The following HERC2 variants were observed in gnomAD, a reference collection of about 807,000 sequenced individuals.
The protein encoded by HERC2 is E3 ubiquitin-protein ligase HERC2.
A neutral mutation model predicts 537.7 loss-of-function variants in HERC2; 102 were observed. The observed-to-expected ratio is 0.19, with a 90% CI of 0.16 to 0.22. HERC2 has a LOEUF of 0.22. HERC2 is among the 10% of genes least tolerant of loss of function. HERC2 has a pLI of 1.00. For synonymous variants in HERC2, 2,224 were observed against 2,466.2 expected (o/e 0.90, Z 2.91); for missense variants, 4,236 against 6,198.2 (o/e 0.68, Z 10.63).
At chr15:28,231,112 T>C (rs1901795535) in intron 30 of HERC2, among the ~76,000 whole-genome samples, 1 of 152,220 alleles carries the variant, frequency 6.6e-6, no homozygotes, top group South Asian at 2.1e-4. Context: ...CTGCGATATG[T>C]GGAATTTCCT....
At chr15:28,178,716 T>A (rs149010273) in intron 59 of HERC2, among the ~76,000 whole-genome samples, 171 bp downstream of exon 59, 83 of 152,354 alleles carry the variant, frequency 5.4e-4, no homozygotes, top group African/African-American at 1.9e-3. Context: ...AGAACTTGAT[T>A]TAGCAGCAAT....
At position 28,233,691 on chromosome 15, in the gene HERC2, A is replaced by G. The variant is rs1415676890; in HGVS notation, c.4324T>C (p.Cys1442Arg). The change falls in exon 28 of 93, where the codon TGT (cysteine) becomes CGT (arginine). Residue 1442 changes from cysteine (C) to arginine (R), a missense_variant. Around this residue, in one of 27 missense-constraint regions of HERC2, gnomAD observed 94 missense variants for 174.9 expected, o/e 0.54. Coordinates refer to ENST00000261609, the MANE Select transcript of HERC2 (RefSeq NM_004667.6). Reference sequence around the variant, plus strand: ...AAATCTTCATGTTTTAAGAGGCAACATAACAACAAGCGACCGACCTCTTCC... The same window carrying G: ...AAATCTTCATGTTTTAAGAGGCAACGTAACAACAAGCGACCGACCTCTTCC... Reference protein sequence around the residue: ...PVEEVGRLLLCCLLKHEDLGH... With the variant: ...PVEEVGRLLLRCLLKHEDLGH... The G allele has an allele frequency of 1.2e-6, 2 of 1,613,894 alleles. No homozygotes were observed. Among genetic ancestry groups the G allele is most frequent in the African/African-American group, 1.3e-5 (1 of 74,932 alleles).
At chr15:28,292,784 T>A in intron 4 of HERC2, 104 bp downstream of exon 4, 1 of 1,200,362 alleles carries the variant, frequency 8.3e-7, no homozygotes, top group Admixed American at 2.6e-5. Flanking sequence ...TTTTATTTAC[T>A]TTTTTTAAAA....
chr15:28,181,863 G>C (rs1895853266), intron 57 of HERC2, among the ~76,000 whole-genome samples: 2 of 152,228 alleles, frequency 1.3e-5, no homozygotes, highest in Non-Finnish European at 2.9e-5. Context: ...TTACTGACAA[G>C]GTGAATGAGA....
chr15:28,206,832 CAAAAAAAAAAAAAAAAA>C (rs71132838), intron 44 of HERC2, among the ~76,000 whole-genome samples: 1 of 51,460 alleles, frequency 1.9e-5, no homozygotes, highest in African/African-American at 6.9e-5. Context: ...GACTCGGTCT[CAAAAAAAAAAAAAAAAA>C]AAAAAAAAAA....
intron 70 of HERC2, among the ~76,000 whole-genome samples, chr15:28,148,575 G>A (rs564172584): frequency 2.3e-4 from 35 of 152,240 alleles, no homozygotes; most frequent in African/African-American, 7.5e-4. Flanking sequence ...GAACATCACC[G>A]AGAACGGCCG....
intron 39 of HERC2, among the ~76,000 whole-genome samples, chr15:28,215,079 A>G (rs1596252752): frequency 6.6e-6 from 1 of 151,848 alleles, no homozygotes; most frequent in South Asian, 2.1e-4. Context: ...GAATTTCACT[A>G]TGTTGGCCAG....
chr15:28,321,630 G>A (rs2077232446), intron 1 of HERC2, among the ~76,000 whole-genome samples, 166 bp from the exon 2 acceptor site: 1 of 125,158 alleles, frequency 8.0e-6, no homozygotes, highest in South Asian at 2.8e-4. Flanking sequence ...GATGGAGGGA[G>A]AGGGAGGTGG....
intron 69 of HERC2, among the ~76,000 whole-genome samples, chr15:28,153,379 C>T (rs1473679390): frequency 4.6e-5 from 7 of 152,028 alleles, no homozygotes; most frequent in South Asian, 2.1e-4. Context: ...TTGGGTGGAG[C>T]GCAGTGGCTC....
chr15:28,311,471 C>G (rs986115436), intron 2 of HERC2, among the ~76,000 whole-genome samples: 1 of 151,480 alleles, frequency 6.6e-6, no homozygotes, highest in African/African-American at 2.4e-5. Context: ...ACTTAAAAAA[C>G]AAAAAAAGAA....
Position 28,132,788 on chromosome 15 carries a change from A to C in HERC2, c.12273T>G (p.Ile4091Met), listed in dbSNP as rs770354502. 1 of 1,600,066 alleles carries C rather than the reference A, an allele frequency of 6.2e-7. No individual in the cohort carries two copies. The highest frequency in any genetic ancestry group is 1.1e-5 in the South Asian group (1 of 89,020). Residue 4091 changes from isoleucine to methionine, a missense_variant, in exon 80 of 93, where the codon ATT (isoleucine) becomes ATG (methionine). Physicochemically the swap from Ile to Met is conservative, Grantham distance 10 (BLOSUM62 1). Transcript: ENST00000261609. Reference sequence around the variant, plus strand: ...CGCCAGCAGCAACATCGACCACTTCAATTCCTCTCAGAGACTCGATGACAC... The same window carrying C: ...CGCCAGCAGCAACATCGACCACTTCCATTCCTCTCAGAGACTCGATGACAC... ...RPRVIESLRGIEVVDVAAGGA... is the reference protein window; with the variant it reads ...RPRVIESLRGMEVVDVAAGGA...
At chr15:28,180,270 C>CTA (rs1234593395) in intron 57 of HERC2, among the ~76,000 whole-genome samples, 1 of 152,206 alleles carries the variant, frequency 6.6e-6, no homozygotes, top group Non-Finnish European at 1.5e-5. Flanking sequence ...AAGCAACAGG[C>CTA]TATACCATAT....
chr15:28,321,570 G>C (rs1318812269), intron 1 of HERC2, 106 bp from the exon 2 acceptor site: 3 of 514,910 alleles, frequency 5.8e-6, no homozygotes, highest in Non-Finnish European at 9.6e-6. Flanking sequence ...AAAGGGGGGA[G>C]AGAAGAGCTG....
intron 78 of HERC2, 52 bp downstream of exon 78, chr15:28,141,380 C>G: frequency 6.5e-7 from 1 of 1,546,904 alleles, no homozygotes; most frequent in East Asian, 2.2e-5. Context: ...GCACCTTTAG[C>G]CACAACTGCC....
rs1201255525 is a variant in HERC2 at position 28,260,760 on chromosome 15, A to G, written c.2316+17T>C. ...CAAAATCCTCCAAAATACCAAATCAAGCTCTATATTCAGTACCTGGGCAGG... is the reference window on the plus strand; with the variant it reads ...CAAAATCCTCCAAAATACCAAATCAGGCTCTATATTCAGTACCTGGGCAGG... On this transcript the variant is annotated intron_variant, in intron 16 of 92. Transcript: ENST00000261609. 1 of 1,597,318 alleles carries G rather than the reference A, an allele frequency of 6.3e-7. No individual in the cohort carries two copies. The highest frequency in any genetic ancestry group is 2.2e-5 in the East Asian group (1 of 44,466).
At chr15:28,292,810 T>C in intron 4 of HERC2, 78 bp downstream of exon 4, 2 of 1,395,906 alleles carry the variant, frequency 1.4e-6, no homozygotes, top group South Asian at 2.6e-5. Context: ...ACCAAAAAAA[T>C]ACTAAGAATC....
intron 69 of HERC2, among the ~76,000 whole-genome samples, chr15:28,162,211 T>A (rs188286778): frequency 1.3e-5 from 2 of 152,120 alleles, no homozygotes; most frequent in African/African-American, 4.8e-5. Flanking sequence ...ATGCCTGTAA[T>A]CCCAGCTACT....
chr15:28,309,477 A>G lies in HERC2; in HGVS notation c.73-9961T>C, dbSNP rs2428642. ...GAAATCTATTTGGTCTGATATAACC[A>G]CTATGCTCTTTTGTGATTTCCATTT... On this transcript the variant is annotated intron_variant, in intron 2 of 92. Transcript: ENST00000261609. Among the ~76,000 whole-genome samples the G allele has an allele frequency of 2.3e-4, 35 of 152,290 alleles. 1 individual carries two copies. The highest frequency in any genetic ancestry group is 2.1e-3 in the South Asian group (10 of 4,820).
Position 28,124,072 on chromosome 15 carries a change from C to G in HERC2, c.13153G>C (p.Asp4385His). The G allele has an allele frequency of 1.2e-6, 2 of 1,604,716 alleles. No homozygotes were observed. Among genetic ancestry groups the G allele is most frequent in the Non-Finnish European group, 1.7e-6 (2 of 1,175,602 alleles). ...ETGLGPSVGF[D>H]TLRGILISQG... is the part of the protein sequence containing the mutation. Reference sequence around the variant, plus strand: ...GATATCAGAATTCCTCGGAGAGTGTCGAACCCAACAGAAGGCCCGAGTCCA... The same window carrying G: ...GATATCAGAATTCCTCGGAGAGTGTGGAACCCAACAGAAGGCCCGAGTCCA... The change falls in exon 85 of 93, where the codon GAC becomes CAC. Residue 4385 changes from aspartate (D) to histidine (H), a missense_variant. Physicochemically the swap from Asp to His is moderately conservative, Grantham distance 81 (BLOSUM62 -1). Transcript: ENST00000261609.
Sources: allele counts gnomAD v4.1 joint callset (sites outside exome capture counted in the v4.1 genomes callset), GRCh38; gene constraint gnomAD v4.1.1; regional missense constraint gnomAD v4.1.1; transcripts MANE v1.5; gene names NCBI Gene and HGNC (gene_info 2026-07-23, HGNC 2026-07-21).